BABAM2: variants seen among roughly 807,000 people sequenced by gnomAD.
BABAM2 encodes the protein BRISC and BRCA1-A complex member 2.
BABAM2 carries 31 observed loss-of-function variants against 54.7 expected under a neutral mutation model. The ratio of observed to expected loss-of-function variants is 0.57; its 90% confidence interval spans 0.43 to 0.77. The LOEUF (loss-of-function observed/expected upper bound fraction) is 0.77. BABAM2 is among the 30% of genes least tolerant of loss of function. The probability of loss-of-function intolerance (pLI) is 0.00; values close to 1 mark genes in which losing one functional copy is unlikely to be tolerated. For synonymous variants in BABAM2, 167 were observed against 162.9 expected (o/e 1.03, Z -0.19); for missense variants, 364 against 455.8 (o/e 0.80, Z 1.83).
At chr2:28,160,024 C>T (rs908161417) in intron 7 of BABAM2, among the ~76,000 whole-genome samples, 12 of 152,226 alleles carry the variant, frequency 7.9e-5, no homozygotes, top group African/African-American at 2.9e-4. Flanking sequence ...TTCTGTCACC[C>T]AGGCTAGAGT....
intron 6 of BABAM2, among the ~76,000 whole-genome samples, chr2:28,065,181 C>A (rs1018007706): frequency 6.6e-6 from 1 of 152,154 alleles, no homozygotes; most frequent in Non-Finnish European, 1.5e-5. Context: ...AAGCAAGAAT[C>A]CTGACTTGTT....
chr2:27,945,892 T>C (rs1669264083), intron 3 of BABAM2, among the ~76,000 whole-genome samples: 1 of 151,764 alleles, frequency 6.6e-6, no homozygotes, highest in South Asian at 2.1e-4. Context: ...GCTATGTCCC[T>C]AAATTTACTT....
chr2:27,936,714 C>T (rs1348675094), intron 3 of BABAM2, among the ~76,000 whole-genome samples: 6 of 151,998 alleles, frequency 3.9e-5, no homozygotes, highest in South Asian at 4.2e-4. Context: ...AGCCAAACAC[C>T]GCATGTTCTC....
chr2:28,338,490 G>A lies in BABAM2; in HGVS notation c.1129G>A (p.Ala377Thr). ...KTFVPQFQEA[A>T]FANGKL ...CTTTGTCCCTCAGTTCCAGGAGGCA[G>A]CATTTGCCAATGGAAAGCTCTAGGA... Residue 377 changes from alanine (A) to threonine (T), a missense_variant, in exon 12 of 12, where the codon GCA (alanine) becomes ACA (threonine). Ala to Thr is a moderately conservative substitution (Grantham distance 58). Transcript: ENST00000379624. The A allele has an allele frequency of 6.2e-7, 1 of 1,614,186 alleles. No homozygotes were observed. Among genetic ancestry groups the A allele is most frequent in the Non-Finnish European group, 8.5e-7 (1 of 1,180,010 alleles).
intron 7 of BABAM2, among the ~76,000 whole-genome samples, chr2:28,149,144 T>G (rs994585546): frequency 2.6e-5 from 4 of 152,228 alleles, no homozygotes; most frequent in African/African-American, 9.6e-5. Flanking sequence ...ATTACTGTAG[T>G]GTTTTTATTG....
intron 7 of BABAM2, among the ~76,000 whole-genome samples, chr2:28,203,890 A>G (rs1049658080): frequency 1.3e-5 from 2 of 152,172 alleles, no homozygotes; most frequent in Non-Finnish European, 2.9e-5. Context: ...GCCCTTCCGG[A>G]AAGGCTGCGC....
intron 4 of BABAM2, among the ~76,000 whole-genome samples, chr2:28,012,535 G>C (rs996325823): frequency 6.6e-6 from 1 of 152,096 alleles, no homozygotes; most frequent in Non-Finnish European, 1.5e-5. Context: ...AAATAGATTT[G>C]ATTTTGTATT....
intron 3 of BABAM2, among the ~76,000 whole-genome samples, chr2:27,973,787 G>A (rs930540675): frequency 6.6e-6 from 1 of 152,158 alleles, no homozygotes; most frequent in African/African-American, 2.4e-5. Context: ...CTACAGCATA[G>A]AACAGTGCCC....
intron 2 of BABAM2, among the ~76,000 whole-genome samples, chr2:27,915,628 T>C (rs1573156464): frequency 1.3e-5 from 2 of 152,338 alleles, no homozygotes; most frequent in East Asian, 3.9e-4. Context: ...TAGCAGATGC[T>C]AAGTCTTTTC....
chr2:28,255,863 A>G (rs1683926998), intron 10 of BABAM2, among the ~76,000 whole-genome samples: 1 of 151,972 alleles, frequency 6.6e-6, no homozygotes, highest in African/African-American at 2.4e-5. Flanking sequence ...ACAGAGTTTC[A>G]CCATGTTCCC....
At chr2:28,073,243 C>T (rs1664335108) in intron 6 of BABAM2, among the ~76,000 whole-genome samples, 2 of 152,002 alleles carry the variant, frequency 1.3e-5, no homozygotes, top group Non-Finnish European at 2.9e-5. Flanking sequence ...ACTTGTAATC[C>T]CAGCACTTTG....
chr2:28,298,030 C>A (rs1190240267), intron 10 of BABAM2, among the ~76,000 whole-genome samples: 1 of 152,174 alleles, frequency 6.6e-6, no homozygotes, highest in African/African-American at 2.4e-5. Context: ...GTTGCAGGCA[C>A]CCAAGCATCC....
chr2:28,294,697 T>G (rs2148231585), intron 10 of BABAM2, among the ~76,000 whole-genome samples: 1 of 152,360 alleles, frequency 6.6e-6, no homozygotes, highest in Middle Eastern at 3.4e-3. Context: ...ATTAACTCAT[T>G]CTTATGCATA....
At chr2:28,209,333 G>A (rs1679209399) in intron 7 of BABAM2, among the ~76,000 whole-genome samples, 1 of 152,130 alleles carries the variant, frequency 6.6e-6, no homozygotes, top group African/African-American at 2.4e-5. Context: ...GGGTGGAGAA[G>A]GTTATGATTA....
At chr2:28,001,309 T>C (rs2148512894) in intron 4 of BABAM2, among the ~76,000 whole-genome samples, 1 of 152,326 alleles carries the variant, frequency 6.6e-6, no homozygotes, top group Middle Eastern at 3.4e-3. Context: ...TTTTGTTAGT[T>C]AATTCCTACT....
rs181410169 is a variant in BABAM2 at position 28,065,535 on chromosome 2, G to T, written c.570+19736G>T. Among the ~76,000 whole-genome samples the T allele has an allele frequency of 2.1e-3, 320 of 152,298 alleles. 1 individual carries two copies. The highest frequency in any genetic ancestry group is 7.3e-3 in the African/African-American group (303 of 41,576). ...ACATCCATCCACACACACACAGCTT[G>T]AAGGAGCTTCTAGGATAGCTGACAA... is the stretch of plus-strand genomic sequence containing the variant. On this transcript the variant is annotated intron_variant, in intron 6 of 11. Coordinates refer to ENST00000379624, the MANE Select transcript of BABAM2 (RefSeq NM_199191.3).
intron 6 of BABAM2, among the ~76,000 whole-genome samples, chr2:28,115,226 A>ACACACACAC (rs1668509092): frequency 1.5e-5 from 2 of 133,588 alleles, no homozygotes; most frequent in African/African-American, 5.6e-5. Flanking sequence ...CACACACACA[A>ACACACACAC]ACCAATCAAA....
At chr2:28,315,020 GAAGGAGA>G (rs1443514156) in intron 11 of BABAM2, among the ~76,000 whole-genome samples, 1 of 30,802 alleles carries the variant, frequency 3.2e-5, no homozygotes, top group Non-Finnish European at 8.7e-5. Context: ...AGGAAAGAGA[GAAGGAGA>G]GAGAGAGAAG....
chr2:27,948,001 AAGTT>A (rs1352696248), intron 3 of BABAM2, among the ~76,000 whole-genome samples: 1 of 152,110 alleles, frequency 6.6e-6, no homozygotes, highest in Non-Finnish European at 1.5e-5. Flanking sequence ...GTTTGATAGT[AAGTT>A]TGGAAATCAG....
Sources: gnomAD v4.1 joint callset for allele counts (sites outside exome capture counted in the v4.1 genomes callset) on GRCh38, gnomAD v4.1.1 for gene constraint, MANE v1.5 for transcripts, NCBI Gene and HGNC (gene_info 2026-07-23, HGNC 2026-07-21) for gene names.